The following RANBP3 variants were observed in gnomAD, a reference collection of about 807,000 sequenced individuals.
The protein encoded by RANBP3 is ran-binding protein 3.
A neutral mutation model predicts 77.3 loss-of-function variants in RANBP3; 14 were observed. The observed-to-expected ratio is 0.18, with a 90% confidence interval of 0.12 to 0.28. The LOEUF (loss-of-function observed/expected upper bound fraction) is 0.28. Among genes scored for constraint, RANBP3 ranks in the 10% least tolerant of loss-of-function variants. The pLI is 1.00. For synonymous variants in RANBP3, 315 were observed against 312.4 expected, an observed-to-expected ratio of 1.01 and a Z score of -0.09; for missense variants, 586 against 752.3, an observed-to-expected ratio of 0.78 and a Z score of 2.59.
rs750385654 is a variant in RANBP3 at position 5,917,911 on chromosome 19, C to T, written c.1543G>A (p.Val515Met). 7 of 1,612,916 alleles carry T rather than the reference C, an allele frequency of 4.3e-6. No individual in the cohort carries two copies. The highest frequency in any genetic ancestry group is 1.6e-4 in the Middle Eastern group (1 of 6,062). The change falls in exon 16 of 17, where the codon GTG (valine) becomes ATG (methionine). Residue 515 changes from valine to methionine, a missense_variant. By Grantham distance (21) the Val-to-Met change is conservative. Coordinates refer to ENST00000340578, the MANE Select transcript of RANBP3 (RefSeq NM_007322.3). ...HHRILALRSRVEQEQEAKMPA... is the reference protein window; with the variant it reads ...HHRILALRSRMEQEQEAKMPA... The stretch of plus-strand genomic sequence containing the variant: ...ATCTTGGCCTCCTGCTCCTGCTCCA[C>T]GCGGCTGCGCAGGGCCAGGATGCGG...
At chr19:5,970,653 T>A (rs1169119320) in intron 1 of RANBP3, among the ~76,000 whole-genome samples, 2 of 152,162 alleles carry the variant, frequency 1.3e-5, no homozygotes, top group South Asian at 4.1e-4. Context: ...TCAAGAATAC[T>A]GAGGTGGAAA....
intron 8 of RANBP3, among the ~76,000 whole-genome samples, chr19:5,930,632 G>A (rs1315927119): frequency 6.6e-6 from 1 of 152,118 alleles, no homozygotes; most frequent in African/African-American, 2.4e-5. Flanking sequence ...GCAGTGGTGT[G>A]ACCTCGGCTC....
chr19:5,965,935 A>G (rs1174163761), intron 1 of RANBP3: 2 of 152,242 alleles, frequency 1.3e-5, no homozygotes, highest in Admixed American at 6.5e-5. Context: ...TTCACAGGAA[A>G]GGAAACGGAT....
chr19:5,926,484 G>C (rs2057911733), intron 9 of RANBP3, among the ~76,000 whole-genome samples: 1 of 152,164 alleles, frequency 6.6e-6, no homozygotes. Flanking sequence ...CCAGGAGGTG[G>C]AGGTTGCAGT....
At chr19:5,956,497 G>C (rs1199625378) in intron 2 of RANBP3, among the ~76,000 whole-genome samples, 2 of 152,198 alleles carry the variant, frequency 1.3e-5, no homozygotes, top group Non-Finnish European at 2.9e-5. Context: ...AACAAAACTA[G>C]AAGAAAGTTT....
chr19:5,923,615 A>G (rs1027683846), intron 12 of RANBP3, among the ~76,000 whole-genome samples, 197 bp downstream of exon 12: 2 of 152,132 alleles, frequency 1.3e-5, no homozygotes, highest in Non-Finnish European at 2.9e-5. Flanking sequence ...CACGGCCACA[A>G]GGCGACACAG....
chr19:5,940,462 G>T (rs2058121158), intron 5 of RANBP3, among the ~76,000 whole-genome samples: 1 of 152,214 alleles, frequency 6.6e-6, no homozygotes, highest in Non-Finnish European at 1.5e-5. Context: ...CCAGTCAGCA[G>T]ATGACAGTGT....
intron 1 of RANBP3, among the ~76,000 whole-genome samples, chr19:5,975,135 T>C (rs1393112217): frequency 2.0e-5 from 3 of 152,194 alleles, no homozygotes. Flanking sequence ...TTAAACATCC[T>C]GGCAGGCTGT....
At chr19:5,943,953 C>T (rs1277131904) in intron 3 of RANBP3, among the ~76,000 whole-genome samples, 2 of 152,232 alleles carry the variant, frequency 1.3e-5, no homozygotes, top group African/African-American at 4.8e-5. Context: ...TGCCTGGTCC[C>T]TGCTGCCTCT....
At chr19:5,931,377 C>T (rs376532515) in intron 8 of RANBP3, 27 bp downstream of exon 8, 58 of 1,588,466 alleles carry the variant, frequency 3.7e-5, no homozygotes, top group African/African-American at 8.0e-5. Context: ...TAGCATGCAG[C>T]GCTTCCCTGC....
chr19:5,930,605 G>A (rs74174358), intron 8 of RANBP3, among the ~76,000 whole-genome samples: 1,583 of 152,300 alleles, frequency 0.01, 7 homozygotes, highest in Non-Finnish European at 0.017. Flanking sequence ...GTCTGGCTCT[G>A]TCGTCCAGGC....
chr19:5,929,638 T>A (rs540218429), intron 8 of RANBP3, among the ~76,000 whole-genome samples: 7 of 152,254 alleles, frequency 4.6e-5, no homozygotes, highest in East Asian at 1.9e-4. Context: ...GTACCAGGAG[T>A]TCCCCCATGG....
intron 13 of RANBP3, 71 bp downstream of exon 13, chr19:5,923,123 C>T (rs565303665): frequency 3.3e-5 from 41 of 1,241,294 alleles, no homozygotes; most frequent in African/African-American, 5.3e-5. Flanking sequence ...AGGATGTGGG[C>T]CCAGCCCTTG....
chr19:5,960,841 G>A (rs1334827184), intron 1 of RANBP3, among the ~76,000 whole-genome samples: 1 of 152,208 alleles, frequency 6.6e-6, no homozygotes, highest in Non-Finnish European at 1.5e-5. Flanking sequence ...GCAGGGCTGA[G>A]GGGCATGGGC....
chr19:5,956,749 G>T (rs1486675862), intron 2 of RANBP3, among the ~76,000 whole-genome samples: 1 of 152,178 alleles, frequency 6.6e-6, no homozygotes, highest in Non-Finnish European at 1.5e-5. Flanking sequence ...GATAAATGCT[G>T]GCTTTGGGAC....
intron 13 of RANBP3, among the ~76,000 whole-genome samples, chr19:5,922,435 C>T (rs1262053685): frequency 1.3e-5 from 2 of 152,174 alleles, no homozygotes; most frequent in Non-Finnish European, 2.9e-5. Flanking sequence ...GGAGAGGAAG[C>T]ACATGGATGC....
chr19:5,930,438 C>T (rs2145077326), intron 8 of RANBP3, among the ~76,000 whole-genome samples: 1 of 152,302 alleles, frequency 6.6e-6, no homozygotes. Flanking sequence ...CATGGTGTTA[C>T]CCTAATTCTG....
At chr19:5,969,756 C>G (rs2058509319) in intron 1 of RANBP3, among the ~76,000 whole-genome samples, 1 of 152,246 alleles carries the variant, frequency 6.6e-6, no homozygotes, top group Admixed American at 6.5e-5. Context: ...AGCCAGGACT[C>G]AGGCATCCCT....
Position 5,941,704 on chromosome 19 carries a change from G to C in RANBP3, c.323C>G (p.Ser108Cys), listed in dbSNP as rs775310909. Reference protein sequence around the residue: ...GGSSPEGGEDSDREDGNYCPP... With the variant: ...GGSSPEGGEDCDREDGNYCPP... ...GCAGTAATTTCCATCTTCTCTGTCAGAATCTACAGAAAATGATGAGAAGAG... is the reference window on the plus strand; with the variant it reads ...GCAGTAATTTCCATCTTCTCTGTCACAATCTACAGAAAATGATGAGAAGAG... The change falls in exon 5 of 17, where the codon TCT becomes TGT. Residue 108 changes from serine to cysteine, a missense_variant. Around this residue, in one of 5 missense-constraint regions of RANBP3, gnomAD observed 172 missense variants for 183.4 expected, o/e 0.94. Coordinates refer to ENST00000340578, the MANE Select transcript of RANBP3 (RefSeq NM_007322.3). The C allele has an allele frequency of 3.7e-6, 6 of 1,613,342 alleles. No homozygotes were observed. The highest frequency in any genetic ancestry group is 5.1e-6 in the Non-Finnish European group (6 of 1,179,716).
Sources: allele counts gnomAD v4.1 joint callset (sites outside exome capture counted in the v4.1 genomes callset), GRCh38; gene constraint gnomAD v4.1.1; regional missense constraint gnomAD v4.1.1; transcripts MANE v1.5; gene names NCBI Gene and HGNC (gene_info 2026-07-23, HGNC 2026-07-21).